Variants in KIAA0319L observed in about 807,000 individuals in gnomAD.
KIAA0319L encodes the protein KIAA0319 like, also known as dyslexia-associated protein KIAA0319-like protein.
In KIAA0319L, 55 loss-of-function variants were observed where a neutral mutation model predicts 120.1. The observed-to-expected ratio is 0.46, with a 90% CI of 0.37 to 0.57. KIAA0319L has a LOEUF of 0.57. Ranked by LOEUF, KIAA0319L falls within the 20% of genes least tolerant of loss-of-function variation. KIAA0319L has a pLI of 0.00. For synonymous variants in KIAA0319L, 398 were observed against 471.9 expected (o/e 0.84, Z 2.03); for missense variants, 1,049 against 1,255.3 (o/e 0.84, Z 2.48).
intron 3 of KIAA0319L, among the ~76,000 whole-genome samples, chr1:35,487,369 C>T (rs1333888378): frequency 6.6e-6 from 1 of 152,082 alleles, no homozygotes; most frequent in Non-Finnish European, 1.5e-5. Flanking sequence ...ATTCTCGTGC[C>T]TCAGCCTCCC....
intron 6 of KIAA0319L, among the ~76,000 whole-genome samples, chr1:35,470,570 C>T (rs1375758543): frequency 6.6e-6 from 1 of 151,740 alleles, no homozygotes; most frequent in Non-Finnish European, 1.5e-5. Context: ...AGTCATGTGG[C>T]CACAAATAAC....
At chr1:35,525,500 C>T (rs554116232) in intron 2 of KIAA0319L, among the ~76,000 whole-genome samples, 2 of 152,252 alleles carry the variant, frequency 1.3e-5, no homozygotes, top group South Asian at 4.1e-4. Context: ...TCCGCATACT[C>T]GCCAGCATCT....
intron 2 of KIAA0319L, among the ~76,000 whole-genome samples, chr1:35,514,836 G>A (rs1384073805): frequency 6.6e-6 from 1 of 152,146 alleles, no homozygotes; most frequent in Non-Finnish European, 1.5e-5. Flanking sequence ...GATCACTGAG[G>A]CAGAAAATTA....
At chr1:35,484,798 ATATATATATTTTT>A (rs1194687904) in intron 3 of KIAA0319L, among the ~76,000 whole-genome samples, 21 of 25,298 alleles carry the variant, frequency 8.3e-4, no homozygotes, top group African/African-American at 5.0e-3. Flanking sequence ...ATATATATAT[ATATATATATTTTT>A]TTTTTTATTA....
At chr1:35,533,385 ATTTC>A in intron 2 of KIAA0319L, 1 of 151,660 alleles carries the variant, frequency 6.6e-6, no homozygotes, top group Non-Finnish European at 1.5e-5. Flanking sequence ...TACCAGTATT[ATTTC>A]AAAAAAGAAA....
At chr1:35,525,933 C>G (rs1049618580) in intron 2 of KIAA0319L, among the ~76,000 whole-genome samples, 4 of 151,670 alleles carry the variant, frequency 2.6e-5, no homozygotes, top group Admixed American at 6.6e-5. Context: ...AGAGTGTTTC[C>G]CCTATGTTTC....
At chr1:35,449,837 C>T (rs750719373) in intron 15 of KIAA0319L, 30 bp downstream of exon 15, 1 of 1,612,054 alleles carries the variant, frequency 6.2e-7, no homozygotes, top group South Asian at 1.1e-5. Context: ...TTCAGCAATT[C>T]TACTCAGCCT....
rs530204735 is a variant in KIAA0319L at position 35,480,064 on chromosome 1, C to T, written c.667-852G>A. Among the ~76,000 whole-genome samples the T allele has an allele frequency of 3.3e-4, 49 of 150,010 alleles. 1 individual carries two copies. The highest frequency in any genetic ancestry group is 3.5e-3 in the Middle Eastern group (1 of 286). ...TTATTATTATTATTAAAGAAAAAGG[C>T]TTCCTGAAGGAGAAGAGCCCTAAGC... is the stretch of plus-strand genomic sequence containing the variant. On this transcript the variant is annotated intron_variant, in intron 3 of 20. Transcript: ENST00000325722.
chr1:35,509,563 G>A (rs1645344589), intron 2 of KIAA0319L, among the ~76,000 whole-genome samples: 1 of 152,200 alleles, frequency 6.6e-6, no homozygotes. Context: ...ACCACTAGAA[G>A]CTAGGGGGAG....
chr1:35,470,164 C>T (rs1013459666), intron 6 of KIAA0319L, among the ~76,000 whole-genome samples: 12 of 151,940 alleles, frequency 7.9e-5, no homozygotes, highest in Non-Finnish European at 1.3e-4. Flanking sequence ...GGAGCCACTG[C>T]GCCCAGCCAA....
Position 35,458,022 on chromosome 1 carries a change from G to A in KIAA0319L, c.1428-1781C>T, listed in dbSNP as rs141232658. ...GCGATCTCGGCTCACTGCAAGCTCC[G>A]CCTACTGGGTTCACGCCATTCTCCT... is the stretch of plus-strand genomic sequence containing the variant. On this transcript the variant is annotated intron_variant, in intron 9 of 20. Coordinates refer to ENST00000325722, the MANE Select transcript of KIAA0319L (RefSeq NM_024874.5). Among the ~76,000 whole-genome samples the A allele has an allele frequency of 2.4e-3, 368 of 152,114 alleles. 2 individuals carry two copies. Among genetic ancestry groups the A allele is most frequent in the African/African-American group, 7.8e-3 (325 of 41,494 alleles).
chr1:35,554,364 A>G lies in KIAA0319L; in HGVS notation c.128T>C (p.Leu43Pro). 6.3e-7 allele frequency: 1 copy of G among 1,598,582 alleles called. No individual in the cohort carries two copies. Among genetic ancestry groups the G allele is most frequent in the Non-Finnish European group, 8.5e-7 (1 of 1,175,114 alleles). ...LFYTCFCFSV[L>P]WLSTDASESR... is the part of the protein sequence containing the mutation. ...GAAAATAGTACCTGTTGACAACCAC[A>G]GAACGCTGAAGCAAAAGCAAGTATA... is the stretch of plus-strand genomic sequence containing the variant. Residue 43 changes from leucine to proline, a missense_variant, in exon 2 of 21, where the codon CTG (leucine) becomes CCG (proline). Transcript: ENST00000325722.
At chr1:35,557,606 C>CA, upstream of KIAA0319L, 1 of 449,060 alleles carries the variant, frequency 2.2e-6, no homozygotes, top group Non-Finnish European at 4.5e-6. Flanking sequence ...AGGCAGTCTG[C>CA]ACCTTGCCTC....
chr1:35,551,296 C>T (rs1214421585), intron 2 of KIAA0319L, among the ~76,000 whole-genome samples: 11 of 151,992 alleles, frequency 7.2e-5, no homozygotes, highest in African/African-American at 2.7e-4. Flanking sequence ...ATTTATGGCA[C>T]TCTGTTTATG....
chr1:35,543,802 G>A (rs1485606261), intron 2 of KIAA0319L, among the ~76,000 whole-genome samples: 2 of 152,188 alleles, frequency 1.3e-5, no homozygotes, highest in Non-Finnish European at 2.9e-5. Flanking sequence ...TGCAGTCTCT[G>A]TAGAGGTTGA....
chr1:35,442,279 A>C lies in KIAA0319L; in HGVS notation c.2837T>G (p.Ile946Ser). 6.2e-7 allele frequency: 1 copy of C among 1,613,958 alleles called. No homozygotes were observed. Among genetic ancestry groups the C allele is most frequent in the Non-Finnish European group, 8.5e-7 (1 of 1,179,804 alleles). ...ATFVIVVALG[I>S]LSWTVICCCK... ...ACAACAGATCACAGTCCAAGACAGG[A>C]TTCCCAAGGCAACAACAATGACAAA... is the stretch of plus-strand genomic sequence containing the variant. The change falls in exon 19 of 21, where the codon ATC becomes AGC. Residue 946 changes from isoleucine (I) to serine (S), a missense_variant. Coordinates refer to ENST00000325722, the MANE Select transcript of KIAA0319L (RefSeq NM_024874.5).
chr1:35,508,734 A>C lies in KIAA0319L; in HGVS notation c.143-1599T>G, dbSNP rs962081262. On this transcript the variant is annotated intron_variant, in intron 2 of 20. Transcript: ENST00000325722. ...CTCGGTAACAGCTAACTGAGTGAAC[A>C]GACTTTGTTGAAATCAAATTGTTTT... Among the ~76,000 whole-genome samples the C allele has an allele frequency of 3.3e-5, 5 of 152,354 alleles. No homozygotes were observed. The East Asian group carries it at 9.6e-4, about 29-fold the overall frequency.
intron 2 of KIAA0319L, among the ~76,000 whole-genome samples, chr1:35,546,018 A>G (rs1646968690): frequency 6.6e-6 from 1 of 152,234 alleles, no homozygotes; most frequent in Admixed American, 6.5e-5. Flanking sequence ...GTTTTGCGAT[A>G]CTAAGTTAGA....
intron 5 of KIAA0319L, among the ~76,000 whole-genome samples, chr1:35,472,073 T>G (rs1345029270): frequency 6.6e-6 from 1 of 152,222 alleles, no homozygotes; most frequent in Non-Finnish European, 1.5e-5. Flanking sequence ...AGCTGGAAAT[T>G]CTTTTCCATG....
Sources: gnomAD v4.1 joint callset for allele counts (sites outside exome capture counted in the v4.1 genomes callset) on GRCh38, gnomAD v4.1.1 for gene constraint, MANE v1.5 for transcripts, NCBI Gene and HGNC (gene_info 2026-07-23, HGNC 2026-07-21) for gene names.